The following NOXRED1 variants were observed in gnomAD, a reference collection of about 807,000 sequenced individuals.
The protein encoded by NOXRED1 is NADP dependent oxidoreductase domain containing 1.
A neutral mutation model predicts 30.4 loss-of-function variants in NOXRED1; 20 were observed. That is an observed-to-expected ratio of 0.66 (90% CI 0.46 to 0.96). NOXRED1 has a LOEUF of 0.96. Ranked by LOEUF, NOXRED1 falls within the 40% of genes least tolerant of loss-of-function variation. The pLI, the probability that NOXRED1 is intolerant of heterozygous loss-of-function variation, is 0.00. For synonymous variants in NOXRED1, 155 were observed against 168.0 expected, an observed-to-expected ratio of 0.92 and a Z score of 0.60; for missense variants, 374 against 428.0, an observed-to-expected ratio of 0.87 and a Z score of 1.11.
chr14:77,395,632 T>C (rs1894159886), intron 5 of NOXRED1, among the ~76,000 whole-genome samples: 2 of 151,496 alleles, frequency 1.3e-5, no homozygotes, highest in African/African-American at 4.9e-5. Context: ...TGAGACCTCA[T>C]CTGTACAAAT....
At chr14:77,420,681 T>C (rs538964214) in intron 1 of NOXRED1, among the ~76,000 whole-genome samples, 1 of 152,152 alleles carries the variant, frequency 6.6e-6, no homozygotes, top group Non-Finnish European at 1.5e-5. Context: ...TGCAGTAGTT[T>C]GTTCTTATGG....
At chr14:77,410,010 C>CAT (rs1180704674) in intron 2 of NOXRED1, among the ~76,000 whole-genome samples, 2 of 151,964 alleles carry the variant, frequency 1.3e-5, no homozygotes, top group Non-Finnish European at 2.9e-5. Flanking sequence ...ATCATGTTGG[C>CAT]CAGGCTGGTC....
chr14:77,418,166 AC>A (rs1225598709), intron 1 of NOXRED1, among the ~76,000 whole-genome samples: 1 of 151,900 alleles, frequency 6.6e-6, no homozygotes, highest in Non-Finnish European at 1.5e-5. Context: ...ACAGGGTCTC[AC>A]CCTGTGGCCC....
At chr14:77,424,231 G>A (rs377747225), upstream of NOXRED1, among the ~76,000 whole-genome samples, 4 of 152,258 alleles carry the variant, frequency 2.6e-5, no homozygotes, top group East Asian at 5.8e-4. Context: ...CAGGCGGATC[G>A]CTTGAGGTCA....
intron 5 of NOXRED1, among the ~76,000 whole-genome samples, chr14:77,405,622 C>T (rs890797664): frequency 6.6e-6 from 1 of 151,962 alleles, no homozygotes; most frequent in Non-Finnish European, 1.5e-5. Context: ...ATATATAGTT[C>T]CCATGTGTCT....
intron 1 of NOXRED1, among the ~76,000 whole-genome samples, chr14:77,414,426 G>A (rs1566712718): frequency 6.6e-6 from 1 of 152,136 alleles, no homozygotes; most frequent in East Asian, 1.9e-4. Context: ...TGATCCACCC[G>A]TGTTGGCCTC....
chr14:77,421,696 G>A (rs780342716), intron 1 of NOXRED1, among the ~76,000 whole-genome samples: 10 of 152,170 alleles, frequency 6.6e-5, no homozygotes, highest in South Asian at 2.1e-4. Flanking sequence ...TTTCCTTGGC[G>A]CAAGATTAAC....
chr14:77,424,056 T>C (rs1895067630), upstream of NOXRED1, among the ~76,000 whole-genome samples: 1 of 152,236 alleles, frequency 6.6e-6, no homozygotes, highest in African/African-American at 2.4e-5. Context: ...CTATTCCAGA[T>C]ATTTTATATA....
intron 1 of NOXRED1, among the ~76,000 whole-genome samples, chr14:77,416,692 T>C (rs548115001): frequency 1.6e-4 from 25 of 152,240 alleles, no homozygotes; most frequent in Non-Finnish European, 3.1e-4. Flanking sequence ...ATTGTCATCA[T>C]GGCCCGTTCT....
intron 1 of NOXRED1, 112 bp from the exon 2 acceptor site, chr14:77,414,239 T>C (rs1420303712): frequency 3.1e-6 from 2 of 639,006 alleles, no homozygotes; most frequent in Non-Finnish European, 5.0e-6. Context: ...TAGAGTGCAA[T>C]GGGGTGATCT....
intron 2 of NOXRED1, among the ~76,000 whole-genome samples, chr14:77,411,889 C>T (rs1032136335): frequency 2.0e-5 from 3 of 152,036 alleles, no homozygotes; most frequent in Admixed American, 2.0e-4. Context: ...GTCAGGAGTA[C>T]AAGACCAGCC....
rs760826797 is a variant in NOXRED1 at position 77,406,850 on chromosome 14, T to G, written c.556A>C (p.Asn186His). The change falls in exon 4 of 6, where the codon AAT becomes CAT. Residue 186 changes from asparagine (N) to histidine (H), a missense_variant. By Grantham distance (68) the Asn-to-His change is moderately conservative. Transcript: ENST00000380835. The part of the protein sequence containing the change: ...PRLKLLLNHT[N>H]ILRPQYQYDE... ...TACTGATACTGAGGCCGCAAGATATTGGTGTGGTTCAACAGTAGTTTCAGC... is the reference window on the plus strand; with the variant it reads ...TACTGATACTGAGGCCGCAAGATATGGGTGTGGTTCAACAGTAGTTTCAGC... The G allele has an allele frequency of 8.7e-6, 14 of 1,614,074 alleles. 1 individual carries two copies. In the South Asian group the frequency reaches 1.5e-4, roughly 18 times the overall value.
intron 5 of NOXRED1, among the ~76,000 whole-genome samples, chr14:77,398,766 C>T (rs1397207944): frequency 2.0e-5 from 3 of 151,964 alleles, no homozygotes; most frequent in Admixed American, 1.3e-4. Context: ...GTCAGGAGTT[C>T]GAAACCAGCC....
intron 5 of NOXRED1, among the ~76,000 whole-genome samples, chr14:77,399,345 T>G (rs1220992022): frequency 6.6e-6 from 1 of 151,920 alleles, no homozygotes; most frequent in African/African-American, 2.4e-5. Flanking sequence ...GTCCAGCTAC[T>G]CGGGAGAGGT....
intron 2 of NOXRED1, 126 bp downstream of exon 2, chr14:77,413,808 G>T: frequency 1.8e-6 from 1 of 570,722 alleles, no homozygotes; most frequent in Non-Finnish European, 2.9e-6. Flanking sequence ...CTTTCTTAGG[G>T]CTAGCAAGCT....
intron 2 of NOXRED1, among the ~76,000 whole-genome samples, chr14:77,409,111 T>C (rs1894571688): frequency 1.3e-5 from 2 of 151,998 alleles, no homozygotes; most frequent in African/African-American, 4.8e-5. Flanking sequence ...ATAACAGACA[T>C]TGGAGAGTGA....
chr14:77,418,922 A>G (rs1466731534), intron 1 of NOXRED1, among the ~76,000 whole-genome samples: 1 of 152,136 alleles, frequency 6.6e-6, no homozygotes, highest in Admixed American at 6.6e-5. Context: ...CACCTTTGCC[A>G]GAGAGCTTTT....
intron 1 of NOXRED1, among the ~76,000 whole-genome samples, chr14:77,418,469 TTGA>T (rs1356149079): frequency 6.6e-5 from 10 of 151,130 alleles, no homozygotes; most frequent in Admixed American, 6.6e-4. Context: ...TTTATACTTA[TTGA>T]TATTTATAAT....
In NOXRED1 at chr14:77,420,516, G is replaced by A. The variant is rs143458289; in HGVS notation, c.155+2219C>T. 2.2e-3 allele frequency among the ~76,000 whole-genome samples: 327 copies of A among 151,272 alleles called. 7 individuals carry two copies. The South Asian group carries it at 0.024, about 11-fold the overall frequency. On this transcript the variant is annotated intron_variant, in intron 1 of 5. Transcript: ENST00000380835. ...GCCTGTAATTTGTAATTTGTAATTT[G>A]TAATTACAAATTACAGGCCTGTAAT...
Sources: allele counts gnomAD v4.1 joint callset (sites outside exome capture counted in the v4.1 genomes callset), GRCh38; gene constraint gnomAD v4.1.1; transcripts MANE v1.5; gene names NCBI Gene and HGNC (gene_info 2026-07-23, HGNC 2026-07-21).